HIVEP3: variants seen among roughly 807,000 people sequenced by gnomAD.
The protein encoded by HIVEP3 is HIVEP zinc finger 3.
Under a neutral mutation model 152.8 loss-of-function variants are expected in HIVEP3, and 49 were observed. The ratio of observed to expected loss-of-function variants is 0.32; its 90% confidence interval spans 0.26 to 0.41. The LOEUF (loss-of-function observed/expected upper bound fraction) is 0.41, where lower values mean the gene tolerates loss of function less well. HIVEP3 is among the 10% of genes least tolerant of loss of function. The pLI, the probability that HIVEP3 is intolerant of heterozygous loss-of-function variation, is 1.00. For missense variants in HIVEP3, 2,790 were observed against 3,103.3 expected (o/e 0.90, Z 2.40); for synonymous variants, 1,269 against 1,289.0 (o/e 0.98, Z 0.33).
intron 1 of HIVEP3, among the ~76,000 whole-genome samples, chr1:41,993,393 G>GA (rs1645375230): frequency 1.3e-5 from 2 of 150,072 alleles, no homozygotes; most frequent in Admixed American, 1.3e-4. Flanking sequence ...AAAAACACAT[G>GA]AAAAAATGCT....
chr1:41,863,199 G>C (rs1643910092), intron 1 of HIVEP3, among the ~76,000 whole-genome samples: 1 of 152,196 alleles, frequency 6.6e-6, no homozygotes, highest in South Asian at 2.1e-4. Context: ...TAAGCTGCAG[G>C]GTCAGATCTG....
At chr1:41,595,622 G>C (rs535854561) in intron 3 of HIVEP3, among the ~76,000 whole-genome samples, 18 of 152,184 alleles carry the variant, frequency 1.2e-4, no homozygotes, top group Non-Finnish European at 2.2e-4. Flanking sequence ...AACTTGATTG[G>C]ATTGAAGGAT....
intron 3 of HIVEP3, among the ~76,000 whole-genome samples, chr1:41,626,618 G>C (rs765360142): frequency 2.6e-5 from 4 of 152,180 alleles, no homozygotes; most frequent in Non-Finnish European, 5.9e-5. Context: ...ACTAGTTCAA[G>C]TATCTGTTGT....
intron 1 of HIVEP3, among the ~76,000 whole-genome samples, chr1:42,035,242 C>A (rs1645634256): frequency 6.6e-6 from 1 of 152,218 alleles, no homozygotes; most frequent in Non-Finnish European, 1.5e-5. Context: ...AACGTAGAGA[C>A]GGAGAGACCC....
chr1:41,528,118 C>A (rs1643067318), intron 5 of HIVEP3, among the ~76,000 whole-genome samples: 1 of 140,090 alleles, frequency 7.1e-6, no homozygotes, highest in Non-Finnish European at 1.5e-5. Context: ...CCCTCACACC[C>A]TTACCCTCAC....
In HIVEP3 at chr1:41,579,814, A is replaced by G. The variant is rs1183015350; in HGVS notation, c.4984T>C (p.Tyr1662His). The change falls in exon 4 of 9, where the codon TAC becomes CAC. Residue 1662 changes from tyrosine (Y) to histidine (H), a missense_variant. Physicochemically the swap from Tyr to His is moderately conservative, Grantham distance 83 (BLOSUM62 2). Around this residue, in one of 9 missense-constraint regions of HIVEP3, gnomAD observed 1,078 missense variants for 1,165.3 expected, o/e 0.93. Transcript: ENST00000372583. Reference protein sequence around the residue: ...RSKQKVSKETYTMATAPHPEA... With the variant: ...RSKQKVSKETHTMATAPHPEA... ...GGATGCGGAGCTGTGGCCATGGTGTATGTCTCTTTGCTCACTTTCTGCTTA... is the reference window on the plus strand; with the variant it reads ...GGATGCGGAGCTGTGGCCATGGTGTGTGTCTCTTTGCTCACTTTCTGCTTA... 1 of 1,613,674 alleles carries G rather than the reference A, an allele frequency of 6.2e-7. No homozygotes were observed. The highest frequency in any genetic ancestry group is 1.7e-5 in the Admixed American group (1 of 60,006).
intron 7 of HIVEP3, among the ~76,000 whole-genome samples, chr1:41,515,933 G>A (rs1378403683): frequency 6.6e-6 from 1 of 152,228 alleles, no homozygotes; most frequent in Admixed American, 6.5e-5. Flanking sequence ...GCATTTTGCA[G>A]ATGAAGGTCA....
chr1:41,617,150 A>G (rs1314190951), intron 3 of HIVEP3, among the ~76,000 whole-genome samples: 1 of 152,156 alleles, frequency 6.6e-6, no homozygotes, highest in African/African-American at 2.4e-5. Flanking sequence ...TGGATGGAAT[A>G]CCTTTAAATT....
chr1:41,842,854 T>C (rs1418049149), intron 1 of HIVEP3, among the ~76,000 whole-genome samples: 1 of 152,204 alleles, frequency 6.6e-6, no homozygotes, highest in Non-Finnish European at 1.5e-5. Context: ...TCTTTCTTCA[T>C]CAGCAATTAG....
intron 1 of HIVEP3, among the ~76,000 whole-genome samples, chr1:41,712,770 C>T (rs1252698838): frequency 2.6e-5 from 4 of 152,178 alleles, no homozygotes; most frequent in Non-Finnish European, 5.9e-5. Context: ...TCATAGACAC[C>T]GTTCCTCCCT....
At chr1:41,659,536 T>A (rs1645680006) in intron 2 of HIVEP3, among the ~76,000 whole-genome samples, 1 of 152,230 alleles carries the variant, frequency 6.6e-6, no homozygotes, top group Non-Finnish European at 1.5e-5. Flanking sequence ...CCCCTGGATG[T>A]TGGCCTGGGT....
intron 2 of HIVEP3, among the ~76,000 whole-genome samples, chr1:41,676,075 G>A (rs1212962850): frequency 6.0e-5 from 9 of 150,596 alleles, no homozygotes; most frequent in East Asian, 3.9e-4. Flanking sequence ...TTTTTTTGAC[G>A]GAGTCTTGCT....
intron 1 of HIVEP3, among the ~76,000 whole-genome samples, chr1:41,863,775 C>T (rs1643919245): frequency 6.6e-6 from 1 of 152,178 alleles, no homozygotes; most frequent in African/African-American, 2.4e-5. Context: ...TTGGACAAGT[C>T]ATTTAAATTT....
chr1:41,553,663 C>T (rs1184129497), intron 5 of HIVEP3, among the ~76,000 whole-genome samples: 1 of 152,030 alleles, frequency 6.6e-6, no homozygotes, highest in Non-Finnish European at 1.5e-5. Flanking sequence ...ATGTTTAGTG[C>T]TTCCTTCAGG....
chr1:41,628,093 A>T (rs1232469027), intron 3 of HIVEP3, among the ~76,000 whole-genome samples: 2 of 152,222 alleles, frequency 1.3e-5, no homozygotes, highest in Non-Finnish European at 2.9e-5. Context: ...ATCTAAATGC[A>T]TATATAAACA....
chr1:41,663,363 G>A (rs377534174), intron 2 of HIVEP3, among the ~76,000 whole-genome samples: 2 of 152,238 alleles, frequency 1.3e-5, no homozygotes, highest in African/African-American at 4.8e-5. Context: ...GGTAAGTTAA[G>A]TGCCTAGGAT....
rs1253198288 is a variant in HIVEP3 at position 41,805,676 on chromosome 1, G to A, written c.-800-104681C>T. Reference sequence around the variant, plus strand: ...GCAAGAGGATACGTGACCAAGAGCTGGAGTCCTCTTTGTAGACCTTGTGTT... The same window carrying A: ...GCAAGAGGATACGTGACCAAGAGCTAGAGTCCTCTTTGTAGACCTTGTGTT... On this transcript the variant is annotated intron_variant, in intron 1 of 8. Coordinates refer to ENST00000372583, the MANE Select transcript of HIVEP3 (RefSeq NM_024503.5). Among the ~76,000 whole-genome samples, 3 of 152,294 alleles carry A rather than the reference G, an allele frequency of 2.0e-5. No individual in the cohort carries two copies. In the South Asian group the frequency reaches 6.2e-4, roughly 32 times the overall value.
At chr1:41,966,822 A>T (rs574080254) in intron 1 of HIVEP3, among the ~76,000 whole-genome samples, 18 of 152,154 alleles carry the variant, frequency 1.2e-4, no homozygotes, top group East Asian at 5.8e-4. Context: ...AGGCAAAGAC[A>T]TACATAGGCT....
chr1:41,626,469 C>A (rs1199429881), intron 3 of HIVEP3, among the ~76,000 whole-genome samples: 1 of 152,208 alleles, frequency 6.6e-6, no homozygotes, highest in East Asian at 1.9e-4. Flanking sequence ...GCTGAGCCCA[C>A]ACGGACAAAC....
Sources: allele counts gnomAD v4.1 joint callset (sites outside exome capture counted in the v4.1 genomes callset), GRCh38; gene constraint gnomAD v4.1.1; regional missense constraint gnomAD v4.1.1; transcripts MANE v1.5; gene names NCBI Gene and HGNC (gene_info 2026-07-23, HGNC 2026-07-21).